The following RASEF variants were observed in gnomAD, a reference collection of about 807,000 sequenced individuals.
The protein encoded by RASEF is ras and EF-hand domain-containing protein.
Under a neutral mutation model 90.1 loss-of-function variants are expected in RASEF, and 68 were observed. That is an observed-to-expected ratio of 0.75 (90% CI 0.62 to 0.92). The LOEUF is 0.92. RASEF is among the 40% of genes least tolerant of loss of function. RASEF has a pLI of 0.00. For synonymous variants in RASEF, 331 were observed against 345.2 expected (o/e 0.96, Z 0.46); for missense variants, 949 against 937.2 (o/e 1.01, Z -0.16).
At chr9:83,155,629 A>G in the RASEF span, among the ~76,000 whole-genome samples, 1 of 151,968 alleles carries the variant, frequency 6.6e-6, no homozygotes, top group Non-Finnish European at 1.5e-5. Flanking sequence ...CAGCCAAACC[A>G]TATCATTGGG....
chr9:83,084,064 A>G, the RASEF span, among the ~76,000 whole-genome samples: 1 of 152,124 alleles, frequency 6.6e-6, no homozygotes, highest in Non-Finnish European at 1.5e-5. Flanking sequence ...TATATTTTTG[A>G]AAAAATGATG....
intron 8 of RASEF, among the ~76,000 whole-genome samples, chr9:83,004,923 C>T (rs1325074801): frequency 6.6e-6 from 1 of 152,176 alleles, no homozygotes; most frequent in Non-Finnish European, 1.5e-5. Context: ...CATAATTTGG[C>T]TTAGTGACTG....
At chr9:83,015,421 C>A (rs1444661294) in intron 4 of RASEF, among the ~76,000 whole-genome samples, 3 of 152,224 alleles carry the variant, frequency 2.0e-5, no homozygotes, top group Non-Finnish European at 4.4e-5. Flanking sequence ...TGGCTCACGC[C>A]TGTAATCCCA....
chr9:83,080,666 C>A, the RASEF span, among the ~76,000 whole-genome samples: 1 of 152,134 alleles, frequency 6.6e-6, no homozygotes, highest in Non-Finnish European at 1.5e-5. Flanking sequence ...CAAAACATTT[C>A]TTTCCCCATC....
At chr9:83,147,291 A>G in the RASEF span, among the ~76,000 whole-genome samples, 1 of 152,172 alleles carries the variant, frequency 6.6e-6, no homozygotes, top group Admixed American at 6.5e-5. Context: ...CTAAAGACAC[A>G]AACAACTCTT....
the RASEF span, among the ~76,000 whole-genome samples, chr9:83,182,796 G>C: frequency 8.9e-3 from 1,358 of 152,188 alleles, 16 homozygotes; most frequent in African/African-American, 0.03. Context: ...TCTAACTTTG[G>C]AAAGAAACTT....
At chr9:83,015,965 C>G in intron 3 of RASEF, 65 bp from the exon 4 acceptor site, 2 of 1,176,724 alleles carry the variant, frequency 1.7e-6, no homozygotes, top group Admixed American at 1.8e-5. Context: ...CAAAACCCCA[C>G]AGGTGAGAAA....
the RASEF span, among the ~76,000 whole-genome samples, chr9:83,095,261 C>A: frequency 3.3e-5 from 5 of 152,060 alleles, no homozygotes; most frequent in South Asian, 1.0e-3. Flanking sequence ...CTGCTTGGAA[C>A]TGAGATAGTG....
the RASEF span, among the ~76,000 whole-genome samples, chr9:83,212,656 C>T: frequency 6.6e-6 from 1 of 152,202 alleles, no homozygotes; most frequent in Non-Finnish European, 1.5e-5. Context: ...CTGAAAACTT[C>T]CAAGAAATAA....
chr9:83,125,363 G>A, the RASEF span, among the ~76,000 whole-genome samples: 9 of 152,126 alleles, frequency 5.9e-5, no homozygotes, highest in Non-Finnish European at 1.2e-4. Context: ...CTTGATTTTA[G>A]CCCACTGACA....
chr9:83,115,652 T>C, the RASEF span, among the ~76,000 whole-genome samples: 306 of 152,266 alleles, frequency 2.0e-3, 2 homozygotes, highest in East Asian at 0.014. Context: ...CCACTCCCCA[T>C]TAGAACTAGA....
chr9:83,063,385 C>G (rs1372105203), upstream of RASEF, among the ~76,000 whole-genome samples: 1 of 152,206 alleles, frequency 6.6e-6, no homozygotes, highest in African/African-American at 2.4e-5. Context: ...AACGTGCTGG[C>G]GCGCGCGTCA....
chr9:83,019,467 A>G (rs937847173), intron 3 of RASEF, among the ~76,000 whole-genome samples: 3 of 152,188 alleles, frequency 2.0e-5, no homozygotes, highest in Admixed American at 6.5e-5. Flanking sequence ...ACTCTCATAC[A>G]CTGCTGATTG....
At chr9:83,183,987 G>T in the RASEF span, among the ~76,000 whole-genome samples, 1 of 152,190 alleles carries the variant, frequency 6.6e-6, no homozygotes, top group Non-Finnish European at 1.5e-5. Context: ...CTGGGGTGGG[G>T]TGTATTTGCA....
Position 83,012,492 on chromosome 9 carries a change from C to T in RASEF, c.785G>A (p.Arg262His), listed in dbSNP as rs1163749887. The change falls in exon 5 of 17, where the codon CGC (arginine) becomes CAC (histidine). Residue 262 changes from arginine to histidine, a missense_variant. Arg to His is a conservative substitution (Grantham distance 29, BLOSUM62 0). Transcript: ENST00000376447. ...KLRKLEEQSK[R>H]VSQKEDVAAL... ...AGCCACATCTTCCTTTTGACTTACG[C>T]GTTTTGATTGTTCTTCGAGCTGAAA... is the stretch of plus-strand genomic sequence containing the variant. 7.6e-6 allele frequency: 12 copies of T among 1,588,608 alleles called. No homozygotes were observed. The highest frequency in any genetic ancestry group is 1.1e-5 in the South Asian group (1 of 87,094).
the RASEF span, among the ~76,000 whole-genome samples, chr9:83,113,078 C>A: frequency 6.6e-6 from 1 of 152,124 alleles, no homozygotes; most frequent in East Asian, 1.9e-4. Flanking sequence ...GATATCATAA[C>A]CTGTGTTGCA....
the RASEF span, among the ~76,000 whole-genome samples, chr9:83,093,213 A>G: frequency 6.6e-6 from 1 of 152,138 alleles, no homozygotes; most frequent in South Asian, 2.1e-4. Context: ...TCCCCACCAG[A>G]CTCAGGAGGC....
chr9:83,174,382 C>T, the RASEF span, among the ~76,000 whole-genome samples: 3 of 152,016 alleles, frequency 2.0e-5, no homozygotes, highest in African/African-American at 7.2e-5. Context: ...AGCCAGTTGT[C>T]ATAGTGTCAT....
At chr9:83,099,042 A>C in the RASEF span, among the ~76,000 whole-genome samples, 1 of 152,176 alleles carries the variant, frequency 6.6e-6, no homozygotes, top group Non-Finnish European at 1.5e-5. Flanking sequence ...GAGAAAGGAT[A>C]ATCAAATCCT....
Sources: gnomAD v4.1 joint callset for allele counts (sites outside exome capture counted in the v4.1 genomes callset) on GRCh38, gnomAD v4.1.1 for gene constraint, MANE v1.5 for transcripts, NCBI Gene and HGNC (gene_info 2026-07-23, HGNC 2026-07-21) for gene names.